Variants in FAF1 observed in about 807,000 individuals in gnomAD.
The protein encoded by FAF1 is Fas associated factor 1.
A neutral mutation model predicts 92.5 loss-of-function variants in FAF1; 25 were observed. The ratio of observed to expected loss-of-function variants is 0.27; its 90% CI spans 0.20 to 0.38. FAF1 has a LOEUF of 0.38. Ranked by LOEUF, FAF1 falls within the 10% of genes least tolerant of loss-of-function variation. The pLI is 1.00. For synonymous variants in FAF1, 234 were observed against 273.2 expected (o/e 0.86, Z 1.42); for missense variants, 636 against 793.3 (o/e 0.80, Z 2.38).
intron 8 of FAF1, among the ~76,000 whole-genome samples, chr1:50,615,637 T>C (rs916696597): frequency 6.6e-6 from 1 of 152,210 alleles, no homozygotes; most frequent in African/African-American, 2.4e-5. Context: ...TTTTTTCATA[T>C]GTTTGTTAGC....
intron 17 of FAF1, among the ~76,000 whole-genome samples, chr1:50,481,200 G>GA (rs201321615): frequency 6.6e-6 from 1 of 151,910 alleles, no homozygotes; most frequent in Non-Finnish European, 1.5e-5. Flanking sequence ...GCTGAAAAAA[G>GA]AAAAAAAGTA....
rs757689865 is a variant in FAF1 at position 50,584,795 on chromosome 1, T to C, written c.857A>G (p.His286Arg). 12 of 1,613,156 alleles carry C rather than the reference T, an allele frequency of 7.4e-6. No individual in the cohort carries two copies. Among genetic ancestry groups the C allele is most frequent in the Non-Finnish European group, 1.0e-5 (12 of 1,179,522 alleles). The change falls in exon 10 of 19, where the codon CAT becomes CGT. Residue 286 changes from histidine (H) to arginine (R), a missense_variant. By Grantham distance (29) the His-to-Arg change is conservative (BLOSUM62 0). Around this residue, in one of 2 missense-constraint regions of FAF1, gnomAD observed 319 missense variants for 451.0 expected, o/e 0.71. Coordinates refer to ENST00000396153, the MANE Select transcript of FAF1 (RefSeq NM_007051.3). ...ATCTCCATCGCTATCACTAACCATA[T>C]GAACATCGGTGATTTGCTATTTAAG... ...EQSEEQITDVHMVSDSDGDDF... is the reference protein window; with the variant it reads ...EQSEEQITDVRMVSDSDGDDF...
intron 8 of FAF1, among the ~76,000 whole-genome samples, chr1:50,651,618 A>C (rs1427604635): frequency 6.6e-6 from 1 of 152,248 alleles, no homozygotes; most frequent in East Asian, 1.9e-4. Flanking sequence ...TTTCTCTGAA[A>C]GTTAAACCAT....
chr1:50,522,102 G>A (rs548940977), intron 15 of FAF1, among the ~76,000 whole-genome samples: 30 of 152,262 alleles, frequency 2.0e-4, no homozygotes, highest in African/African-American at 6.5e-4. Context: ...GTAGAAGTAC[G>A]CAATTAAGAG....
At chr1:50,904,836 T>G (rs1315845580) in intron 1 of FAF1, among the ~76,000 whole-genome samples, 1 of 152,106 alleles carries the variant, frequency 6.6e-6, no homozygotes, top group Non-Finnish European at 1.5e-5. Flanking sequence ...AAATACATTA[T>G]CAATATCTTT....
At chr1:50,781,462 A>G (rs948748848) in intron 4 of FAF1, among the ~76,000 whole-genome samples, 3 of 152,224 alleles carry the variant, frequency 2.0e-5, no homozygotes, top group Non-Finnish European at 2.9e-5. Context: ...GAAGATATCC[A>G]TAAATATATA....
rs201964842 is a variant in FAF1 at position 50,931,888 on chromosome 1, A to AAATAATAATAAT, written c.45+27867_45+27878dup. ...GACTCTGTCTCAAAAATAAATAAATAAATAATAATAATAATAATAATAATA... is the reference window on the plus strand; with the variant it reads ...GACTCTGTCTCAAAAATAAATAAATAAATAATAATAATAATAATAATAATAATAATAATAATA... On this transcript the variant is annotated intron_variant, in intron 1 of 18. Coordinates refer to ENST00000396153, the MANE Select transcript of FAF1 (RefSeq NM_007051.3). Among the ~76,000 whole-genome samples, 349 of 129,470 alleles carry AAATAATAATAAT rather than the reference A, an allele frequency of 2.7e-3. 2 individuals carry two copies. The highest frequency in any genetic ancestry group is 4.8e-3 in the East Asian group (22 of 4,588). 84.9% of individuals were successfully genotyped at this position (129,470 alleles called of 152,430 possible).
intron 1 of FAF1, among the ~76,000 whole-genome samples, chr1:50,863,081 G>A (rs937987622): frequency 6.6e-6 from 1 of 151,850 alleles, no homozygotes; most frequent in Non-Finnish European, 1.5e-5. Context: ...ATCAGTACAT[G>A]GAACATTCTC....
chr1:50,751,746 T>C (rs1453146524), intron 4 of FAF1, among the ~76,000 whole-genome samples: 1 of 152,234 alleles, frequency 6.6e-6, no homozygotes, highest in Non-Finnish European at 1.5e-5. Flanking sequence ...TTTGCAACTA[T>C]TTTGTAAAGG....
At chr1:50,498,731 T>G (rs1008026162) in intron 15 of FAF1, among the ~76,000 whole-genome samples, 1 of 151,742 alleles carries the variant, frequency 6.6e-6, no homozygotes, top group Non-Finnish European at 1.5e-5. Context: ...ATGCCTATAA[T>G]CCCAGCTACT....
At chr1:50,621,401 T>TC (rs1653201479) in intron 8 of FAF1, among the ~76,000 whole-genome samples, 2 of 126,196 alleles carry the variant, frequency 1.6e-5, no homozygotes, top group Admixed American at 7.5e-5. Flanking sequence ...CTTTTTTTTT[T>TC]TTTTTTTTTT....
intron 6 of FAF1, among the ~76,000 whole-genome samples, chr1:50,724,304 C>CAT (rs1553132421): frequency 7.9e-5 from 11 of 138,440 alleles, no homozygotes; most frequent in African/African-American, 2.8e-4. Flanking sequence ...CATACACACA[C>CAT]ACACACACAC....
At chr1:50,936,977 A>C (rs1397136010) in intron 1 of FAF1, among the ~76,000 whole-genome samples, 1 of 152,082 alleles carries the variant, frequency 6.6e-6, no homozygotes, top group African/African-American at 2.4e-5. Flanking sequence ...TGTAGGAGAA[A>C]ACCAATGGAG....
At position 50,744,908 on chromosome 1, in the gene FAF1, TC is replaced by T. The variant is rs112190902; in HGVS notation, c.368-134del. On this transcript the variant is annotated intron_variant, in intron 4 of 18. Transcript: ENST00000396153. Reference sequence around the variant, plus strand: ...CATTTGTCTGATGAATATTTCTGTATCTATAAAATGGGAAATAATATTATTT... The same window carrying T: ...CATTTGTCTGATGAATATTTCTGTATTATAAAATGGGAAATAATATTATTT... 1.3e-4 allele frequency: 62 copies of T among 485,980 alleles called. 1 individual carries two copies. Among genetic ancestry groups the T allele is most frequent in the African/African-American group, 8.5e-4 (42 of 49,638 alleles). 30.1% of individuals were successfully genotyped at this position (485,980 alleles called of 1,614,324 possible).
rs898363274 is a variant in FAF1 at position 50,590,225 on chromosome 1, C to T, written c.841-5414G>A. Among the ~76,000 whole-genome samples, 3 of 152,168 alleles carry T rather than the reference C, an allele frequency of 2.0e-5. No individual in the cohort carries two copies. In the South Asian group the frequency reaches 6.2e-4, roughly 32 times the overall value. Reference sequence around the variant, plus strand: ...AAAAACCACCATTGGAATTTTGATACGGATTTCTGTAGACTGCTTTGGGCA... The same window carrying T: ...AAAAACCACCATTGGAATTTTGATATGGATTTCTGTAGACTGCTTTGGGCA... On this transcript the variant is annotated intron_variant, in intron 9 of 18. Transcript: ENST00000396153.
At chr1:50,589,700 ATT>A (rs979138700) in intron 9 of FAF1, among the ~76,000 whole-genome samples, 2 of 151,796 alleles carry the variant, frequency 1.3e-5, no homozygotes, top group African/African-American at 4.8e-5. Context: ...CAATTTCTCT[ATT>A]TTTTCTTTTG....
chr1:50,475,241 G>C lies in FAF1; in HGVS notation c.1869+223C>G, dbSNP rs577549287. 8.5e-5 allele frequency among the ~76,000 whole-genome samples: 13 copies of C among 152,336 alleles called. No homozygotes were observed. In the South Asian group the frequency reaches 2.7e-3, roughly 32 times the overall value. ...GAAAACAGCTAGGAAGGAAGATCTA[G>C]TACCTAATTTCTTACATAGGCTACT... On this transcript the variant is annotated intron_variant, in intron 18 of 18. Coordinates refer to ENST00000396153, the MANE Select transcript of FAF1 (RefSeq NM_007051.3).
chr1:50,591,611 T>C (rs1396030942), intron 9 of FAF1, among the ~76,000 whole-genome samples: 2 of 148,804 alleles, frequency 1.3e-5, no homozygotes, highest in African/African-American at 5.0e-5. Context: ...AGGTGGAGGT[T>C]GCAGTGAGCC....
intron 1 of FAF1, among the ~76,000 whole-genome samples, chr1:50,907,092 G>T (rs1459333231): frequency 6.6e-6 from 1 of 152,246 alleles, no homozygotes; most frequent in Admixed American, 6.5e-5. Context: ...AGCATGAAGG[G>T]CTATAGAATT....
Sources: gnomAD v4.1 joint callset for allele counts (sites outside exome capture counted in the v4.1 genomes callset) on GRCh38, gnomAD v4.1.1 for gene constraint, gnomAD v4.1.1 regional missense constraint, MANE v1.5 for transcripts, NCBI Gene and HGNC (gene_info 2026-07-23, HGNC 2026-07-21) for gene names.